SUGCT: variants seen among roughly 807,000 people sequenced by gnomAD.
The protein encoded by SUGCT is succinyl-CoA:glutarate CoA-transferase.
A neutral mutation model predicts 55.0 loss-of-function variants in SUGCT; 41 were observed. The observed-to-expected ratio is 0.74, with a 90% CI of 0.58 to 0.97. The LOEUF is 0.97. Among genes scored for constraint, SUGCT ranks in the 50% least tolerant of loss-of-function variants. The pLI is 0.00. For synonymous variants in SUGCT, 187 were observed against 200.4 expected (o/e 0.93, Z 0.56); for missense variants, 568 against 547.8 (o/e 1.04, Z -0.37).
chr7:40,870,439 G>C, the SUGCT span, among the ~76,000 whole-genome samples: 9 of 152,014 alleles, frequency 5.9e-5, no homozygotes, highest in African/African-American at 1.9e-4. Flanking sequence ...TCTCTTGTAA[G>C]CAAACTTGTG....
intron 11 of SUGCT, among the ~76,000 whole-genome samples, chr7:40,479,429 T>C (rs1298324178): frequency 6.6e-6 from 1 of 152,160 alleles, no homozygotes; most frequent in East Asian, 1.9e-4. Flanking sequence ...GCTTATAGCC[T>C]AGGTGTGTGG....
intron 12 of SUGCT, among the ~76,000 whole-genome samples, chr7:40,574,800 G>C (rs1584024302): frequency 6.6e-6 from 1 of 152,150 alleles, no homozygotes; most frequent in African/African-American, 2.4e-5. Context: ...TATTTATTGA[G>C]CATCAAGTAC....
At chr7:40,698,824 A>G (rs1214674638) in intron 12 of SUGCT, among the ~76,000 whole-genome samples, 1 of 152,232 alleles carries the variant, frequency 6.6e-6, no homozygotes, top group Non-Finnish European at 1.5e-5. Flanking sequence ...CGATTTTGGT[A>G]TAGGCTCAAG....
intron 13 of SUGCT, among the ~76,000 whole-genome samples, chr7:40,830,576 A>T (rs938474441): frequency 6.6e-6 from 1 of 152,136 alleles, no homozygotes; most frequent in Non-Finnish European, 1.5e-5. Flanking sequence ...ATCTATTCAG[A>T]GAAACTTCCC....
chr7:40,345,773 T>G (rs1054366299), intron 9 of SUGCT, among the ~76,000 whole-genome samples: 1 of 152,134 alleles, frequency 6.6e-6, no homozygotes. Flanking sequence ...ATTATATCAC[T>G]AGGTTTTCTA....
chr7:40,173,887 C>A, intron 1 of SUGCT, among the ~76,000 whole-genome samples: 1 of 146,676 alleles, frequency 6.8e-6, no homozygotes, highest in African/African-American at 2.5e-5. Flanking sequence ...ATTTGTATAA[C>A]ATAATTTATT....
intron 12 of SUGCT, among the ~76,000 whole-genome samples, chr7:40,602,757 T>C (rs112034623): frequency 6.6e-6 from 1 of 152,192 alleles, no homozygotes; most frequent in African/African-American, 2.4e-5. Context: ...GATCTTCTGT[T>C]CTTTTTGTCA....
At chr7:40,930,761 A>C in the SUGCT span, among the ~76,000 whole-genome samples, 78 of 152,250 alleles carry the variant, frequency 5.1e-4, no homozygotes, top group Middle Eastern at 3.4e-3. Context: ...TGATTTTTGC[A>C]CATTGATTTT....
intron 12 of SUGCT, among the ~76,000 whole-genome samples, chr7:40,674,561 G>A (rs1322752808): frequency 6.6e-6 from 1 of 152,098 alleles, no homozygotes; most frequent in African/African-American, 2.4e-5. Flanking sequence ...AACCTGGACG[G>A]GGACCAAAAA....
chr7:40,434,323 A>T (rs1788057520), intron 9 of SUGCT, among the ~76,000 whole-genome samples: 1 of 152,168 alleles, frequency 6.6e-6, no homozygotes, highest in African/African-American at 2.4e-5. Flanking sequence ...ATAGAGTTCA[A>T]TAGTTGAGGT....
At chr7:40,429,403 C>A (rs552860398) in intron 9 of SUGCT, among the ~76,000 whole-genome samples, 1 of 152,096 alleles carries the variant, frequency 6.6e-6, no homozygotes, top group Non-Finnish European at 1.5e-5. Context: ...TTGACTCACA[C>A]GATCACAAGG....
At chr7:40,315,288 C>A (rs1283976458) in intron 8 of SUGCT, among the ~76,000 whole-genome samples, 1 of 152,178 alleles carries the variant, frequency 6.6e-6, no homozygotes, top group African/African-American at 2.4e-5. Context: ...CTATCCAGGG[C>A]ATTTTTGCTA....
chr7:40,363,678 C>G (rs376661429), intron 9 of SUGCT, among the ~76,000 whole-genome samples: 1 of 152,066 alleles, frequency 6.6e-6, no homozygotes, highest in Non-Finnish European at 1.5e-5. Context: ...GTCTGAGAGA[C>G]AGTTTGTTAT....
the SUGCT span, among the ~76,000 whole-genome samples, chr7:41,020,283 G>A: frequency 1.3e-5 from 2 of 152,190 alleles, no homozygotes; most frequent in Non-Finnish European, 2.9e-5. Flanking sequence ...GGACATGTGT[G>A]TGTGTCATTT....
chr7:40,202,892 C>T (rs1332628209), intron 6 of SUGCT, among the ~76,000 whole-genome samples: 1 of 152,214 alleles, frequency 6.6e-6, no homozygotes, highest in African/African-American at 2.4e-5. Context: ...AAAAATCCTC[C>T]CTCCTCCTTG....
intron 1 of SUGCT, among the ~76,000 whole-genome samples, chr7:40,175,599 A>G (rs536532361): frequency 1.3e-5 from 2 of 152,280 alleles, no homozygotes; most frequent in South Asian, 2.1e-4. Flanking sequence ...GATCTGCAGC[A>G]CTATAACTCA....
At chr7:40,293,214 T>C (rs1185471783) in intron 8 of SUGCT, among the ~76,000 whole-genome samples, 1 of 152,186 alleles carries the variant, frequency 6.6e-6, no homozygotes, top group Non-Finnish European at 1.5e-5. Context: ...AAAGTGAGTA[T>C]TAACCATTTT....
chr7:40,633,352 A>G (rs971335381), intron 12 of SUGCT, among the ~76,000 whole-genome samples: 2 of 152,212 alleles, frequency 1.3e-5, no homozygotes, highest in African/African-American at 4.8e-5. Flanking sequence ...AGTAAAATAA[A>G]CATTCACTGA....
chr7:40,835,582 A>G (rs890829259), intron 13 of SUGCT, among the ~76,000 whole-genome samples: 4 of 152,180 alleles, frequency 2.6e-5, no homozygotes, highest in African/African-American at 7.2e-5. Flanking sequence ...ATAAAACCTG[A>G]TTTGTATGAC....
Sources: allele counts gnomAD v4.1 joint callset (sites outside exome capture counted in the v4.1 genomes callset), GRCh38; gene constraint gnomAD v4.1.1; transcripts MANE v1.5; gene names NCBI Gene and HGNC (gene_info 2026-07-23, HGNC 2026-07-21).